Variants in ACTN1 observed in about 807,000 individuals in gnomAD.
The protein encoded by ACTN1 is alpha-actinin-1.
ACTN1 carries 30 observed loss-of-function variants against 119.6 expected under a neutral mutation model. The ratio of observed to expected loss-of-function variants is 0.25; its 90% CI spans 0.19 to 0.34. The LOEUF is 0.34. Ranked by LOEUF, ACTN1 falls within the 10% of genes least tolerant of loss-of-function variation. ACTN1 has a pLI of 1.00. For synonymous variants in ACTN1, 429 were observed against 472.6 expected (o/e 0.91, Z 1.20); for missense variants, 764 against 1,223.4 (o/e 0.62, Z 5.60).
chr14:68,958,580 T>A (rs951934460), intron 1 of ACTN1, among the ~76,000 whole-genome samples: 1 of 151,440 alleles, frequency 6.6e-6, no homozygotes, highest in Non-Finnish European at 1.5e-5. Context: ...TTGATTCACA[T>A]GGAAAAGGAC....
rs376800833 is a variant in ACTN1, at chr14:68,888,051, C to T, written c.1234+2088G>A. 71 of 725,454 alleles carry T rather than the reference C, an allele frequency of 9.8e-5. No homozygotes were observed. In the East Asian group the frequency reaches 1.1e-3, roughly 11 times the overall value. The allele number at this position is 725,454 out of a possible 1,614,324, so 44.9% of individuals were successfully genotyped here. A position where few individuals can be genotyped will look rare whatever the true frequency, so the allele number is the denominator to read the frequency against. ...CTCCTCTTGGGCTTTTCCTTGGCGG[C>T]TCCTTCAGCAGAGCTGACCTTCCCC... On this transcript the variant is annotated intron_variant, in intron 11 of 21. Transcript: ENST00000394419.
chr14:68,950,308 AAAAAAAAAAAAAG>A (rs2140532230), intron 1 of ACTN1, among the ~76,000 whole-genome samples: 1 of 151,014 alleles, frequency 6.6e-6, no homozygotes, highest in African/African-American at 2.4e-5. Flanking sequence ...AAAAAAAAAA[AAAAAAAAAAAAAG>A]AGTTCAGGAG....
intron 1 of ACTN1, among the ~76,000 whole-genome samples, chr14:68,952,876 G>A (rs1469699420): frequency 6.6e-6 from 1 of 152,126 alleles, no homozygotes; most frequent in Non-Finnish European, 1.5e-5. Flanking sequence ...GCCCCCAGGA[G>A]GGCCTGACAC....
At chr14:68,890,036 A>C in intron 11 of ACTN1, 103 bp downstream of exon 11, 2 of 1,495,014 alleles carry the variant, frequency 1.3e-6, no homozygotes, top group South Asian at 2.5e-5. Context: ...AAGAGACCAA[A>C]TGAAACAAAT....
At position 68,961,615 on chromosome 14, in the gene ACTN1, G is replaced by T. The variant is rs918075052; in HGVS notation, c.105+17337C>A. On this transcript the variant is annotated intron_variant, in intron 1 of 21. Transcript: ENST00000394419. ...GTGGATCCTGAGGGACCAGCCCCCA[G>T]TGGGTGGTGCCATGGATTTCACAGG... 2.6e-5 allele frequency among the ~76,000 whole-genome samples: 4 copies of T among 152,352 alleles called. 1 individual carries two copies. The South Asian group carries it at 8.3e-4, about 32-fold the overall frequency.
chr14:68,920,399 C>T (rs1015549694), intron 3 of ACTN1, among the ~76,000 whole-genome samples: 1 of 152,200 alleles, frequency 6.6e-6, no homozygotes, highest in Non-Finnish European at 1.5e-5. Flanking sequence ...TCTGCCCACT[C>T]TAAACAACCC....
At chr14:68,899,990 G>A (rs945683493) in intron 8 of ACTN1, among the ~76,000 whole-genome samples, 2 of 152,064 alleles carry the variant, frequency 1.3e-5, no homozygotes, top group Non-Finnish European at 2.9e-5. Flanking sequence ...GGACAAAGAG[G>A]AAGCAGAAGG....
rs541541523 is a variant in ACTN1 at position 68,885,761 on chromosome 14, C to G, written c.1235-186G>C. 1.5e-6 allele frequency: 1 copy of G among 645,368 alleles called. No individual in the cohort carries two copies. The highest frequency in any genetic ancestry group is 2.6e-6 in the Non-Finnish European group (1 of 380,282). The allele number at this position is 645,368 out of a possible 1,614,324, so 40.0% of individuals were successfully genotyped here. ...CTAGAACATCCACCAACCGGCGCAACGGGGAAAAGCACTCTCCTCAGAGCA... is the reference window on the plus strand; with the variant it reads ...CTAGAACATCCACCAACCGGCGCAAGGGGGAAAAGCACTCTCCTCAGAGCA... On this transcript the variant is annotated intron_variant, in intron 11 of 21. Coordinates refer to ENST00000394419, the MANE Select transcript of ACTN1 (RefSeq NM_001130004.2). The surrounding 1 kb of genome is among the most constrained non-coding windows in gnomAD (Gnocchi z 5.6).
At chr14:68,942,881 C>G (rs1566661484) in intron 1 of ACTN1, among the ~76,000 whole-genome samples, 1 of 152,120 alleles carries the variant, frequency 6.6e-6, no homozygotes, top group South Asian at 2.1e-4. Context: ...ATATCCATCA[C>G]AGGAGATTGT....
intron 1 of ACTN1, among the ~76,000 whole-genome samples, chr14:68,958,044 C>T (rs1185344880): frequency 2.0e-5 from 3 of 152,170 alleles, no homozygotes; most frequent in African/African-American, 7.2e-5. Context: ...CACACCGAAG[C>T]GCATCAGCCC....
rs778312769 is a variant in ACTN1 at position 68,878,998 on chromosome 14, G to A, written c.2352C>T (p.Asn784=). Residue 784 remains asparagine, a synonymous_variant, in exon 19 of 22, where the codon AAC becomes AAT. Transcript: ENST00000394419. The surrounding 1 kb of genome is among the most constrained non-coding windows in gnomAD (Gnocchi z 4.4). ...TGCAGGAGGCGAGTACCTGGGGGTC[G>A]TTGCCAATATCATAACCCAAGCTGA... ...CLISLGYDIG[N]DPQKKTGMMD... 3.1e-6 allele frequency: 5 copies of A among 1,613,192 alleles called. No homozygotes were observed. Among genetic ancestry groups the A allele is most frequent in the Non-Finnish European group, 3.4e-6 (4 of 1,179,830 alleles).
intron 10 of ACTN1, 116 bp downstream of exon 10, chr14:68,891,937 G>A: frequency 7.7e-7 from 1 of 1,294,774 alleles, no homozygotes; most frequent in Non-Finnish European, 1.0e-6. Context: ...GTGTATGTAG[G>A]TAGAAGCAAA....
chr14:68,898,124 T>C (rs2140201529), intron 8 of ACTN1, among the ~76,000 whole-genome samples: 1 of 152,346 alleles, frequency 6.6e-6, no homozygotes, highest in Middle Eastern at 3.4e-3. Flanking sequence ...CACTGCCGGC[T>C]CCTTTTTTTA....
rs563814137 is a variant in ACTN1 at position 68,899,176 on chromosome 14, C to T, written c.762+3301G>A. Among the ~76,000 whole-genome samples, 11 of 142,490 alleles carry T rather than the reference C, an allele frequency of 7.7e-5. No homozygotes were observed. The East Asian group carries it at 2.2e-3, about 29-fold the overall frequency. 93.5% of individuals were successfully genotyped at this position (142,490 alleles called of 152,430 possible). On this transcript the variant is annotated intron_variant, in intron 8 of 21. Coordinates refer to ENST00000394419, the MANE Select transcript of ACTN1 (RefSeq NM_001130004.2). Reference sequence around the variant, plus strand: ...CTCACACCACACACACACCTCACACCCTACACCTCACACCCACAGCACACT... The same window carrying T: ...CTCACACCACACACACACCTCACACTCTACACCTCACACCCACAGCACACT...
chr14:68,969,185 A>G (rs1473802809), intron 1 of ACTN1, among the ~76,000 whole-genome samples: 1 of 152,252 alleles, frequency 6.6e-6, no homozygotes, highest in Non-Finnish European at 1.5e-5. Context: ...AAAGAAGAAG[A>G]GAAAAAGAAA....
chr14:68,963,105 C>T (rs2036592052), intron 1 of ACTN1, among the ~76,000 whole-genome samples: 2 of 152,192 alleles, frequency 1.3e-5, no homozygotes, highest in Admixed American at 1.3e-4. Flanking sequence ...TTTGCAGGCC[C>T]ACCTCCCCTT....
At chr14:68,920,242 A>C (rs895962004) in intron 3 of ACTN1, among the ~76,000 whole-genome samples, 1 of 152,238 alleles carries the variant, frequency 6.6e-6, no homozygotes, top group African/African-American at 2.4e-5. Flanking sequence ...TATGCCACAG[A>C]GTGAGCAATC....
intron 1 of ACTN1, among the ~76,000 whole-genome samples, chr14:68,962,641 A>T (rs1191092379): frequency 6.6e-6 from 1 of 152,198 alleles, no homozygotes; most frequent in East Asian, 1.9e-4. Context: ...GAAGGCTGTT[A>T]GAAATTCTAT....
chr14:68,936,542 C>G, intron 1 of ACTN1: 2 of 416,280 alleles, frequency 4.8e-6, no homozygotes, highest in Admixed American at 3.7e-5. Flanking sequence ...AACAGTCTGT[C>G]TAGGGGGTGG....
Sources: allele counts gnomAD v4.1 joint callset (sites outside exome capture counted in the v4.1 genomes callset), GRCh38; gene constraint gnomAD v4.1.1; non-coding constraint Gnocchi (gnomAD v3.1); transcripts MANE v1.5; gene names NCBI Gene and HGNC (gene_info 2026-07-23, HGNC 2026-07-21).